ALKBH8: variants seen among roughly 807,000 people sequenced by gnomAD.
ALKBH8 encodes the protein tRNA (carboxymethyluridine(34)-5-O)-methyltransferase ALKBH8.
Under a neutral mutation model 59.8 loss-of-function variants are expected in ALKBH8, and 36 were observed. The observed-to-expected ratio is 0.60, with a 90% CI of 0.46 to 0.79. ALKBH8 has a LOEUF of 0.79. Ranked by LOEUF, ALKBH8 falls within the 30% of genes least tolerant of loss-of-function variation. ALKBH8 has a pLI of 0.00. For synonymous variants in ALKBH8, 276 were observed against 273.6 expected, an observed-to-expected ratio of 1.01 and a Z score of -0.09; for missense variants, 768 against 801.0, an observed-to-expected ratio of 0.96 and a Z score of 0.50.
intron 8 of ALKBH8, among the ~76,000 whole-genome samples, chr11:107,532,019 T>C (rs1863614211): frequency 6.6e-6 from 1 of 152,064 alleles, no homozygotes. Flanking sequence ...ATAACATATG[T>C]GAGAGAGAAA....
chr11:107,541,527 G>A (rs563960142), intron 7 of ALKBH8, among the ~76,000 whole-genome samples: 12 of 152,282 alleles, frequency 7.9e-5, no homozygotes, highest in African/African-American at 2.9e-4. Flanking sequence ...ACCATTGGGG[G>A]CCTATATTAA....
At position 107,532,404 on chromosome 11, in the gene ALKBH8, A is replaced by C. The variant is rs746318062; in HGVS notation, c.774T>G (p.Ile258Met). 1 of 1,612,214 alleles carries C rather than the reference A, an allele frequency of 6.2e-7. No homozygotes were observed. Among genetic ancestry groups the C allele is most frequent in the East Asian group, 2.2e-5 (1 of 44,824 alleles). ...EIVSLSLGSE[I>M]VMDFKHPDGI... ...CATCTGGGTGCTTAAAATCCATGAC[A>C]ATCTTGAAGCAAAGATAAAAGCATA... The change falls in exon 8 of 12, where the codon ATT (isoleucine) becomes ATG (methionine). Residue 258 changes from isoleucine (I) to methionine (M), a missense_variant and splice_region_variant. Ile to Met is a conservative substitution (Grantham distance 10, BLOSUM62 1). Coordinates refer to ENST00000428149, the MANE Select transcript of ALKBH8 (RefSeq NM_138775.3).
chr11:107,556,811 C>A lies in ALKBH8; in HGVS notation c.322G>T (p.Asp108Tyr). Reference protein sequence around the residue: ...VTLNGKEVVDDLGQKITLYLN... With the variant: ...VTLNGKEVVDYLGQKITLYLN... The stretch of plus-strand genomic sequence containing the variant: ...TACAGAGTGATCTTTTGTCCTAAAT[C>A]ATCCACTACTTCTTTTCCATTGAGG... The change falls in exon 3 of 12, where the codon GAT (aspartate) becomes TAT (tyrosine). Residue 108 changes from aspartate to tyrosine, a missense_variant. Coordinates refer to ENST00000428149, the MANE Select transcript of ALKBH8 (RefSeq NM_138775.3). 6.8e-7 allele frequency: 1 copy of A among 1,466,702 alleles called. No homozygotes were observed. Among genetic ancestry groups the A allele is most frequent in the South Asian group, 1.5e-5 (1 of 66,028 alleles). 90.9% of individuals were successfully genotyped at this position (1,466,702 alleles called of 1,614,324 possible). A position where few individuals can be genotyped will look rare whatever the true frequency, so the allele number is the denominator to read the frequency against.
chr11:107,538,075 A>T (rs957026454), intron 7 of ALKBH8, among the ~76,000 whole-genome samples: 1 of 152,112 alleles, frequency 6.6e-6, no homozygotes, highest in African/African-American at 2.4e-5. Context: ...CAAGACACAA[A>T]AACACAATTT....
At chr11:107,563,495 T>G (rs1223501076) in intron 1 of ALKBH8, 1 of 152,202 alleles carries the variant, frequency 6.6e-6, no homozygotes, top group Non-Finnish European at 1.5e-5. Flanking sequence ...TAATAGTGCC[T>G]ATCCCATAGC....
At chr11:107,552,215 T>C (rs9326219) in intron 5 of ALKBH8, among the ~76,000 whole-genome samples, 3,063 of 151,742 alleles carry the variant, frequency 0.02, 106 homozygotes, top group African/African-American at 0.067. Flanking sequence ...GTCCACTTTC[T>C]TTTTTTGTTA....
In ALKBH8 at chr11:107,560,971, A is replaced by C. The variant is rs188356413; in HGVS notation, c.-6-72T>G. The C allele has an allele frequency of 1.1e-5, 15 of 1,320,266 alleles. No individual in the cohort carries two copies. In the Admixed American group the frequency reaches 3.4e-4, roughly 30 times the overall value. 81.8% of individuals were successfully genotyped at this position (1,320,266 alleles called of 1,614,324 possible). A position where few individuals can be genotyped will look rare whatever the true frequency, so the allele number is the denominator to read the frequency against. On this transcript the variant is annotated intron_variant, in intron 1 of 11. Transcript: ENST00000428149. Reference sequence around the variant, plus strand: ...AGGAACAATTATAATGATGTTATTCATACATTCTATAGTTTATCAATATTT... The same window carrying C: ...AGGAACAATTATAATGATGTTATTCCTACATTCTATAGTTTATCAATATTT...
intron 7 of ALKBH8, among the ~76,000 whole-genome samples, chr11:107,538,972 A>G (rs1334320188): frequency 1.3e-5 from 2 of 152,220 alleles, no homozygotes; most frequent in African/African-American, 4.8e-5. Flanking sequence ...AACTAGAGAA[A>G]ATATTTCATA....
At chr11:107,507,487 T>C (rs1387994491) in intron 11 of ALKBH8, among the ~76,000 whole-genome samples, 2 of 152,168 alleles carry the variant, frequency 1.3e-5, no homozygotes, top group Non-Finnish European at 2.9e-5. Flanking sequence ...GAGACCATTT[T>C]ATAAAAATGG....
intron 2 of ALKBH8, among the ~76,000 whole-genome samples, chr11:107,558,062 T>C (rs1365588876): frequency 3.3e-5 from 5 of 152,198 alleles, no homozygotes; most frequent in Non-Finnish European, 7.4e-5. Flanking sequence ...CTTAGTATTA[T>C]TTTTTAACAC....
intron 1 of ALKBH8, chr11:107,563,496 A>G (rs1468814511): frequency 6.6e-6 from 1 of 152,204 alleles, no homozygotes; most frequent in Non-Finnish European, 1.5e-5. Context: ...AATAGTGCCT[A>G]TCCCATAGCT....
chr11:107,556,945 G>T lies in ALKBH8; in HGVS notation c.188C>A (p.Pro63Gln). The change falls in exon 3 of 12, where the codon CCG becomes CAG. Residue 63 changes from proline to glutamine, a missense_variant. Pro to Gln is a moderately conservative substitution (Grantham distance 76). Coordinates refer to ENST00000428149, the MANE Select transcript of ALKBH8 (RefSeq NM_138775.3). Reference protein sequence around the residue: ...GNGVSRNQLLPVLEKCGLVDA... With the variant: ...GNGVSRNQLLQVLEKCGLVDA... ...CACCAGTCCACATTTCTCTAAAACC[G>T]GGAGCAGCTGGTTCCGACTCACACC... 6.2e-7 allele frequency: 1 copy of T among 1,610,604 alleles called. No homozygotes were observed. Among genetic ancestry groups the T allele is most frequent in the East Asian group, 2.2e-5 (1 of 44,662 alleles).
At chr11:107,565,010 C>T (rs1232181506) in intron 1 of ALKBH8, among the ~76,000 whole-genome samples, 2 of 152,244 alleles carry the variant, frequency 1.3e-5, no homozygotes, top group Non-Finnish European at 2.9e-5. Flanking sequence ...GGACCTCTAT[C>T]TCTAGAGTTC....
chr11:107,504,258 C>A lies in ALKBH8; in HGVS notation c.*400G>T, dbSNP rs908655324. On this transcript the variant is annotated 3_prime_UTR_variant, in exon 12 of 12. Transcript: ENST00000428149. The stretch of plus-strand genomic sequence containing the variant: ...TAAAAATCATAGGTAAAACTTCAGA[C>A]AATTTTCTATTGACCAGGACTATTT... 3 of 451,338 alleles carry A rather than the reference C, an allele frequency of 6.6e-6. No individual in the cohort carries two copies. Among genetic ancestry groups the A allele is most frequent in the African/African-American group, 2.0e-5 (1 of 49,006 alleles). The allele number at this position is 451,338 out of a possible 1,614,324, so 28.0% of individuals were successfully genotyped here. A position where few individuals can be genotyped will look rare whatever the true frequency, so the allele number is the denominator to read the frequency against.
intron 7 of ALKBH8, among the ~76,000 whole-genome samples, chr11:107,533,463 T>A (rs1150195): frequency 0.01 from 1,562 of 152,238 alleles, 10 homozygotes; most frequent in Non-Finnish European, 0.015. Flanking sequence ...TAAAAAAGTA[T>A]ACAGAGCTAA....
At chr11:107,542,666 T>G (rs1409360401) in intron 7 of ALKBH8, among the ~76,000 whole-genome samples, 1 of 152,134 alleles carries the variant, frequency 6.6e-6, no homozygotes, top group South Asian at 2.1e-4. Context: ...CCCAGCACCT[T>G]GGGATGCCAA....
chr11:107,558,956 A>G (rs1006713434), intron 2 of ALKBH8, among the ~76,000 whole-genome samples: 1 of 152,196 alleles, frequency 6.6e-6, no homozygotes, highest in East Asian at 1.9e-4. Context: ...CCCAAATCTC[A>G]TCTTGAATTT....
chr11:107,532,036 AT>A (rs1214560591), intron 8 of ALKBH8, among the ~76,000 whole-genome samples: 2 of 152,234 alleles, frequency 1.3e-5, no homozygotes, highest in Non-Finnish European at 1.5e-5. Context: ...GAAATAAAAA[AT>A]GTCCCAAATA....
chr11:107,522,359 T>G lies in ALKBH8; in HGVS notation c.1227A>C (p.Ile409=), dbSNP rs1432706117. 3.2e-6 allele frequency: 5 copies of G among 1,551,570 alleles called. No individual in the cohort carries two copies. Among genetic ancestry groups the G allele is most frequent in the Non-Finnish European group, 4.4e-6 (5 of 1,146,994 alleles). Reference sequence around the variant, plus strand: ...CATTACCACATCCAATATCAGCCACTATTGAACCACTTGGCAAAGCCTTCA... The same window carrying G: ...CATTACCACATCCAATATCAGCCACGATTGAACCACTTGGCAAAGCCTTCA... The part of the protein sequence containing the change: ...EFLKALPSGS[I]VADIGCGNGK... The change falls in exon 10 of 12, where the codon ATA becomes ATC. Residue 409 remains isoleucine, a synonymous_variant. Coordinates refer to ENST00000428149, the MANE Select transcript of ALKBH8 (RefSeq NM_138775.3).
Sources: allele counts gnomAD v4.1 joint callset (sites outside exome capture counted in the v4.1 genomes callset), GRCh38; gene constraint gnomAD v4.1.1; transcripts MANE v1.5; gene names NCBI Gene and HGNC (gene_info 2026-07-23, HGNC 2026-07-21).